The following TGFBRAP1 variants were observed in gnomAD, a reference collection of about 807,000 sequenced individuals.
The protein encoded by TGFBRAP1 is transforming growth factor beta receptor associated protein 1.
TGFBRAP1 carries 20 observed loss-of-function variants against 83.2 expected under a neutral mutation model. The observed-to-expected ratio is 0.24, with a 90% confidence interval of 0.17 to 0.35. TGFBRAP1 has a LOEUF of 0.35. TGFBRAP1 is among the 10% of genes least tolerant of loss of function. TGFBRAP1 has a pLI of 1.00. For missense variants in TGFBRAP1, 950 were observed against 1,099.4 expected (o/e 0.86, Z 1.92); for synonymous variants, 415 against 459.8 (o/e 0.90, Z 1.25).
intron 10 of TGFBRAP1, among the ~76,000 whole-genome samples, chr2:105,271,545 T>A (rs1280381193): frequency 1.3e-5 from 2 of 152,126 alleles, no homozygotes; most frequent in Non-Finnish European, 2.9e-5. Context: ...CCCACACCTG[T>A]GTTCTGGCTC....
chr2:105,326,288 A>T (rs930578602), intron 1 of TGFBRAP1, among the ~76,000 whole-genome samples: 7 of 152,316 alleles, frequency 4.6e-5, no homozygotes, highest in African/African-American at 1.7e-4. Flanking sequence ...TATACATCCT[A>T]TAAGAGTACC....
At chr2:105,259,665 G>A (rs1676744628), downstream of TGFBRAP1, among the ~76,000 whole-genome samples, 1 of 152,162 alleles carries the variant, frequency 6.6e-6, no homozygotes, top group African/African-American at 2.4e-5. Flanking sequence ...AACACACAGG[G>A]CAGGTGGCCA....
At chr2:105,322,801 C>T (rs1044306013) in intron 1 of TGFBRAP1, among the ~76,000 whole-genome samples, 4 of 152,152 alleles carry the variant, frequency 2.6e-5, no homozygotes, top group African/African-American at 9.7e-5. Flanking sequence ...ATTTCTCAGA[C>T]CATAACCTAG....
intron 10 of TGFBRAP1, among the ~76,000 whole-genome samples, chr2:105,272,408 C>G (rs994553829): frequency 6.6e-6 from 1 of 152,192 alleles, no homozygotes; most frequent in East Asian, 1.9e-4. Flanking sequence ...TGACTCAGTG[C>G]TTTGACATTG....
the TGFBRAP1 span, chr2:105,249,937 A>G: frequency 6.6e-6 from 1 of 152,210 alleles, no homozygotes; most frequent in East Asian, 1.9e-4. Context: ...TGCATGCAAA[A>G]GTATGGTGTG....
chr2:105,258,765 ACACACACACT>A, the TGFBRAP1 span, among the ~76,000 whole-genome samples: 4 of 128,476 alleles, frequency 3.1e-5, no homozygotes, highest in African/African-American at 1.0e-4. Flanking sequence ...ACACACACAC[ACACACACACT>A]GTCTCTCTCT....
intron 1 of TGFBRAP1, among the ~76,000 whole-genome samples, chr2:105,315,907 C>T (rs1450978783): frequency 6.6e-6 from 1 of 152,140 alleles, no homozygotes; most frequent in Non-Finnish European, 1.5e-5. Context: ...GAGATATGCA[C>T]AGCAAGCTTA....
At chr2:105,319,260 C>T (rs1444298023) in intron 1 of TGFBRAP1, among the ~76,000 whole-genome samples, 1 of 151,920 alleles carries the variant, frequency 6.6e-6, no homozygotes, top group Non-Finnish European at 1.5e-5. Flanking sequence ...GGGAATCTCA[C>T]CATGTTGGTC....
chr2:105,263,428 A>G (rs997706385), downstream of TGFBRAP1, among the ~76,000 whole-genome samples: 4 of 152,214 alleles, frequency 2.6e-5, no homozygotes, highest in African/African-American at 9.6e-5. Context: ...TGGGAGCCAC[A>G]GATCTAGCTT....
chr2:105,252,616 T>G, the TGFBRAP1 span, among the ~76,000 whole-genome samples: 1 of 152,228 alleles, frequency 6.6e-6, no homozygotes, highest in Non-Finnish European at 1.5e-5. Flanking sequence ...TCTAAATCTC[T>G]GTTATACTTC....
intron 6 of TGFBRAP1, among the ~76,000 whole-genome samples, chr2:105,280,006 C>T (rs755530320): frequency 4.6e-5 from 7 of 151,584 alleles, no homozygotes; most frequent in South Asian, 2.1e-4. Flanking sequence ...CCACTGTACT[C>T]CAGCCTGGGT....
intron 1 of TGFBRAP1, among the ~76,000 whole-genome samples, chr2:105,323,909 G>A (rs963572000): frequency 3.3e-5 from 5 of 152,090 alleles, no homozygotes; most frequent in African/African-American, 4.8e-5. Context: ...AGAGCATCTC[G>A]AATCCCCCAT....
intron 4 of TGFBRAP1, among the ~76,000 whole-genome samples, chr2:105,293,384 T>C (rs962841014): frequency 1.3e-5 from 2 of 152,350 alleles, no homozygotes; most frequent in East Asian, 3.9e-4. Context: ...ACAACCCTTT[T>C]GGATCTCCTG....
At chr2:105,252,751 C>CCT in the TGFBRAP1 span, among the ~76,000 whole-genome samples, 1 of 113,322 alleles carries the variant, frequency 8.8e-6, no homozygotes, top group South Asian at 3.1e-4. Flanking sequence ...ATATTAACAT[C>CCT]TTTTTTTTTT....
chr2:105,321,826 G>A (rs1447549398), intron 1 of TGFBRAP1, among the ~76,000 whole-genome samples: 7 of 152,164 alleles, frequency 4.6e-5, no homozygotes, highest in South Asian at 2.1e-4. Flanking sequence ...AGTGCCAGTC[G>A]TTGAAAAGTC....
At chr2:105,280,344 G>T in intron 6 of TGFBRAP1, 38 bp downstream of exon 6, 1 of 1,588,214 alleles carries the variant, frequency 6.3e-7, no homozygotes, top group South Asian at 1.2e-5. Context: ...AGGGTGCAGG[G>T]CGGGAAGCCC....
chr2:105,284,191 C>A, intron 5 of TGFBRAP1, 125 bp downstream of exon 5: 2 of 856,624 alleles, frequency 2.3e-6, no homozygotes, highest in Non-Finnish European at 1.9e-6. Flanking sequence ...GCTACCCCCA[C>A]CGTATCCACC....
At chr2:105,323,176 G>C (rs941128031) in intron 1 of TGFBRAP1, among the ~76,000 whole-genome samples, 1 of 152,164 alleles carries the variant, frequency 6.6e-6, no homozygotes, top group South Asian at 2.1e-4. Flanking sequence ...TTGGAGGCCA[G>C]TTTTCTTGTG....
At chr2:105,274,091 T>A (rs1383200524) in intron 8 of TGFBRAP1, among the ~76,000 whole-genome samples, 1 of 152,210 alleles carries the variant, frequency 6.6e-6, no homozygotes, top group Non-Finnish European at 1.5e-5. Flanking sequence ...GAACAGTATG[T>A]GAAAAGATAT....
Sources: allele counts gnomAD v4.1 joint callset (sites outside exome capture counted in the v4.1 genomes callset), GRCh38; gene constraint gnomAD v4.1.1; transcripts MANE v1.5; gene names NCBI Gene and HGNC (gene_info 2026-07-23, HGNC 2026-07-21).